EPM2A: variants seen among roughly 807,000 people sequenced by gnomAD.
EPM2A encodes the protein EPM2A glucan phosphatase, laforin, also known as laforin.
In EPM2A, 21 loss-of-function variants were observed where a neutral mutation model predicts 26.5. The observed-to-expected ratio is 0.79, with a 90% CI of 0.56 to 1.14. The LOEUF is 1.14. EPM2A is among the 50% of genes most tolerant of loss of function. The probability of loss-of-function intolerance (pLI) is 0.00; values close to 1 mark genes in which losing one functional copy is unlikely to be tolerated. For synonymous variants in EPM2A, 217 were observed against 177.6 expected (o/e 1.22, Z -1.76); for missense variants, 458 against 440.8 (o/e 1.04, Z -0.35).
chr6:145,721,531 A>G (rs1412733020), intron 1 of EPM2A: 1 of 152,274 alleles, frequency 6.6e-6, no homozygotes. Context: ...CAGTCAGTCA[A>G]TCTTGACCTG....
chr6:145,580,767 C>A (rs565305847), intron 2 of EPM2A, among the ~76,000 whole-genome samples: 8 of 152,038 alleles, frequency 5.3e-5, no homozygotes, highest in Non-Finnish European at 1.0e-4. Context: ...GAGAACATGT[C>A]GTATTTGGTT....
At chr6:145,586,703 C>T (rs1781200205) in intron 2 of EPM2A, among the ~76,000 whole-genome samples, 1 of 152,112 alleles carries the variant, frequency 6.6e-6, no homozygotes. Context: ...ACGATCCTTC[C>T]TATTTAGTTA....
chr6:145,445,049 T>C lies in EPM2A; in HGVS notation c.555+57473A>G, dbSNP rs116999050. Among the ~76,000 whole-genome samples the C allele has an allele frequency of 3.5e-3, 527 of 152,262 alleles. 2 individuals are homozygous for C. Among genetic ancestry groups the C allele is most frequent in the Non-Finnish European group, 3.7e-3 (253 of 68,006 alleles). On this transcript the variant is annotated intron_variant, in intron 4 of 4. Coordinates refer to the EPM2A transcript ENST00000638717. ...AAGAGTTTCCCAGTGTTTACTAAGG[T>C]GCTGTGTGTGTATATTAGGTCACAC... is the stretch of plus-strand genomic sequence containing the variant.
At chr6:145,475,609 T>C (rs145002680) in intron 4 of EPM2A, among the ~76,000 whole-genome samples, 1 of 151,914 alleles carries the variant, frequency 6.6e-6, no homozygotes, top group African/African-American at 2.4e-5. Context: ...ACTTAAAGTA[T>C]CATTAAAAAA....
At chr6:145,448,402 G>A (rs1371771588) in intron 4 of EPM2A, among the ~76,000 whole-genome samples, 1 of 152,044 alleles carries the variant, frequency 6.6e-6, no homozygotes, top group East Asian at 1.9e-4. Flanking sequence ...TTGCTTTAAA[G>A]GGCAGGGCAA....
At chr6:145,632,539 T>A (rs4896829) in intron 3 of EPM2A, among the ~76,000 whole-genome samples, 84,322 of 150,958 alleles carry the variant, frequency 0.56, 26,191 homozygotes, top group African/African-American at 0.85. Flanking sequence ...AAAGATTTTT[T>A]AAAAAAAGAA....
intron 4 of EPM2A, among the ~76,000 whole-genome samples, chr6:145,423,372 G>C (rs1010663030): frequency 1.4e-4 from 21 of 152,090 alleles, no homozygotes; most frequent in Non-Finnish European, 2.5e-4. Flanking sequence ...TTTGACAAGA[G>C]GGAAAGGGCT....
At chr6:145,717,433 A>C (rs1775694527) in intron 1 of EPM2A, among the ~76,000 whole-genome samples, 1 of 152,002 alleles carries the variant, frequency 6.6e-6, no homozygotes, top group Non-Finnish European at 1.5e-5. Context: ...CATGCTAAAA[A>C]CTCTCAATAA....
intron 4 of EPM2A, among the ~76,000 whole-genome samples, chr6:145,453,233 T>G (rs1024454560): frequency 1.4e-4 from 21 of 152,196 alleles, no homozygotes; most frequent in African/African-American, 4.8e-4. Flanking sequence ...ATTATCTCTA[T>G]GAAATTATTT....
intron 2 of EPM2A, among the ~76,000 whole-genome samples, chr6:145,527,829 G>T (rs1780299292): frequency 6.6e-6 from 1 of 152,056 alleles, no homozygotes; most frequent in Non-Finnish European, 1.5e-5. Context: ...AGAAAGGCAT[G>T]TCATAAGCTG....
At chr6:145,405,898 C>T (rs1367610442) in intron 4 of EPM2A, among the ~76,000 whole-genome samples, 2 of 151,580 alleles carry the variant, frequency 1.3e-5, no homozygotes, top group Non-Finnish European at 2.9e-5. Flanking sequence ...ATTATTCCAT[C>T]AAAATTGTTT....
chr6:145,628,540 T>C (rs1307857571), intron 3 of EPM2A: 2 of 152,188 alleles, frequency 1.3e-5, no homozygotes, highest in East Asian at 3.9e-4. Context: ...AGATATTTTG[T>C]AAGTTGGGTT....
chr6:145,735,363 C>G lies in EPM2A; in HGVS notation c.136G>C (p.Ala46Pro), dbSNP rs374338349. The G allele has an allele frequency of 3.8e-3, 3,030 of 788,066 alleles. 92 individuals carry two copies. The East Asian group carries it at 0.13, about 35-fold the overall frequency. 48.8% of individuals were successfully genotyped at this position (788,066 alleles called of 1,614,324 possible). Reference sequence around the variant, plus strand: ...AGGGCCAGGGCCCCGTCGCCCGCCGCGGTGCCGGCCGGCCTCAGGCGGACG... The same window carrying G: ...AGGGCCAGGGCCCCGTCGCCCGCCGGGGTGCCGGCCGGCCTCAGGCGGACG... ...GAVRLRPAGT[A>P]AGDGALALQE... Residue 46 changes from alanine to proline, a missense_variant, in exon 1 of 4, where the codon GCG becomes CCG. By Grantham distance (27) the Ala-to-Pro change is conservative. Transcript: ENST00000367519.
At chr6:145,530,926 T>A (rs1011066240) in intron 2 of EPM2A, among the ~76,000 whole-genome samples, 2 of 152,180 alleles carry the variant, frequency 1.3e-5, no homozygotes, top group African/African-American at 4.8e-5. Flanking sequence ...ACTTACAAGC[T>A]TGCTCTTGTA....
In EPM2A at chr6:145,616,474, A is replaced by G. The variant is rs928678130; in HGVS notation, c.340+18771T>C. 7.9e-5 allele frequency among the ~76,000 whole-genome samples: 12 copies of G among 152,366 alleles called. No homozygotes were observed. In the East Asian group the frequency reaches 1.5e-3, roughly 20 times the overall value. On this transcript the variant is annotated intron_variant, in intron 2 of 3. Transcript: ENST00000450221. ...CAGCGAGGAAGGGAAATGTGGGGTC[A>G]GAGCACCTACTCAGAGTCCCTACTG...
intron 2 of EPM2A, among the ~76,000 whole-genome samples, chr6:145,664,517 T>C (rs1778999613): frequency 7.0e-6 from 1 of 142,808 alleles, no homozygotes; most frequent in African/African-American, 2.6e-5. Context: ...ATAAAGCAAG[T>C]CCTGAGTGAC....
intron 2 of EPM2A, among the ~76,000 whole-genome samples, chr6:145,508,141 C>G (rs1318213173): frequency 6.6e-6 from 1 of 152,202 alleles, no homozygotes; most frequent in Non-Finnish European, 1.5e-5. Flanking sequence ...TCATCTCTCA[C>G]CCCCAGCTTT....
At chr6:145,433,289 TTAA>T (rs1401555161) in intron 4 of EPM2A, among the ~76,000 whole-genome samples, 1 of 152,188 alleles carries the variant, frequency 6.6e-6, no homozygotes, top group Non-Finnish European at 1.5e-5. Context: ...CTCACTAAAC[TTAA>T]TAATTTCTAG....
intron 1 of EPM2A, among the ~76,000 whole-genome samples, chr6:145,703,895 A>G (rs554192140): frequency 1.3e-5 from 2 of 152,254 alleles, no homozygotes; most frequent in South Asian, 4.1e-4. Flanking sequence ...AGGATTTCAC[A>G]TAACAACTGT....
Sources: gnomAD v4.1 joint callset for allele counts (sites outside exome capture counted in the v4.1 genomes callset) on GRCh38, gnomAD v4.1.1 for gene constraint, MANE v1.5 for transcripts, NCBI Gene and HGNC (gene_info 2026-07-23, HGNC 2026-07-21) for gene names.